The following PTPN14 variants were observed in gnomAD, a reference collection of about 807,000 sequenced individuals.
The protein encoded by PTPN14 is protein tyrosine phosphatase non-receptor type 14, also known as tyrosine-protein phosphatase non-receptor type 14.
PTPN14 carries 53 observed loss-of-function variants against 126.8 expected under a neutral mutation model. The ratio of observed to expected loss-of-function variants is 0.42; its 90% CI spans 0.34 to 0.53. The LOEUF (loss-of-function observed/expected upper bound fraction) is 0.53. PTPN14 is among the 20% of genes least tolerant of loss of function. The pLI, the probability that PTPN14 is intolerant of heterozygous loss-of-function variation, is 0.08. For synonymous variants in PTPN14, 630 were observed against 599.3 expected (o/e 1.05, Z -0.75); for missense variants, 1,257 against 1,552.9 (o/e 0.81, Z 3.20).
chr1:214,414,964 C>G (rs540899105), intron 3 of PTPN14, among the ~76,000 whole-genome samples: 1 of 152,320 alleles, frequency 6.6e-6, no homozygotes, highest in African/African-American at 2.4e-5. Flanking sequence ...CATCACATCA[C>G]TTATTTGTAG....
In PTPN14 at chr1:214,486,625, G is replaced by GA. The variant is rs1007391906; in HGVS notation, c.-154-21669dup. Among the ~76,000 whole-genome samples the GA allele has an allele frequency of 2.0e-4, 30 of 152,090 alleles. 2 individuals carry two copies. The highest frequency in any genetic ancestry group is 1.8e-3 in the Admixed American group (28 of 15,266). ...ACTACCCAGGGCCCAGAACAAAACG[G>GA]AAAAAAACTGAGATGAGAGGCAATG... On this transcript the variant is annotated intron_variant, in intron 1 of 18. Transcript: ENST00000366956.
At chr1:214,390,460 C>T (rs937766248) in intron 11 of PTPN14, among the ~76,000 whole-genome samples, 1 of 152,054 alleles carries the variant, frequency 6.6e-6, no homozygotes, top group African/African-American at 2.4e-5. Flanking sequence ...TATGGAAGTG[C>T]TTTGGAATTC....
Position 214,383,951 on chromosome 1 carries a change from C to T in PTPN14, c.1904G>A (p.Gly635Asp), listed in dbSNP as rs1658540437. The change falls in exon 13 of 19, where the codon GGC becomes GAC. Residue 635 changes from glycine (G) to aspartate (D), a missense_variant. Coordinates refer to ENST00000366956, the MANE Select transcript of PTPN14 (RefSeq NM_005401.5). The surrounding 1 kb of genome is among the most constrained non-coding windows in gnomAD (Gnocchi z 4.4). The stretch of plus-strand genomic sequence containing the variant: ...CAGGCTGTGGCGCTTGTTCACAGTG[C>T]CGTGGTGCTTGGTGGCCGTGAGGGG... ...SEPLTATKHH[G>D]TVNKRHSLEV... The T allele has an allele frequency of 1.9e-6, 3 of 1,612,710 alleles. No individual in the cohort carries two copies. Among genetic ancestry groups the T allele is most frequent in the South Asian group, 1.1e-5 (1 of 91,078 alleles).
chr1:214,435,661 T>G (rs1405890082), intron 3 of PTPN14, among the ~76,000 whole-genome samples: 1 of 152,184 alleles, frequency 6.6e-6, no homozygotes, highest in Non-Finnish European at 1.5e-5. Context: ...TCATCACCAC[T>G]AATCATTACA....
At chr1:214,363,165 T>G (rs1233072291) in intron 18 of PTPN14, among the ~76,000 whole-genome samples, 1 of 152,252 alleles carries the variant, frequency 6.6e-6, no homozygotes, top group Non-Finnish European at 1.5e-5. Flanking sequence ...GATTCCATGA[T>G]GAACATTTCG....
intron 5 of PTPN14, among the ~76,000 whole-genome samples, chr1:214,410,763 G>T (rs746262541): frequency 6.6e-6 from 1 of 152,164 alleles, no homozygotes; most frequent in East Asian, 1.9e-4. Flanking sequence ...ATTGGTTTTA[G>T]ATGTGTGTGA....
chr1:214,482,592 T>C (rs1303968567), intron 1 of PTPN14, among the ~76,000 whole-genome samples: 1 of 137,880 alleles, frequency 7.3e-6, no homozygotes, highest in Non-Finnish European at 1.6e-5. Context: ...AAAAAAAAAA[T>C]CACATAGAAA....
intron 1 of PTPN14, among the ~76,000 whole-genome samples, chr1:214,527,537 C>T (rs1030388892): frequency 1.3e-5 from 2 of 152,180 alleles, no homozygotes; most frequent in African/African-American, 4.8e-5. Context: ...ACTGCTATTT[C>T]AGAGTCTTCT....
intron 5 of PTPN14, among the ~76,000 whole-genome samples, chr1:214,404,109 A>G (rs1659103690): frequency 6.6e-6 from 1 of 152,238 alleles, no homozygotes; most frequent in Non-Finnish European, 1.5e-5. Context: ...CTTTACATGG[A>G]TGAAAACACT....
intron 1 of PTPN14, among the ~76,000 whole-genome samples, chr1:214,525,970 T>C (rs1655383352): frequency 6.6e-6 from 1 of 151,330 alleles, no homozygotes; most frequent in Admixed American, 6.6e-5. Flanking sequence ...AACTTTTTTT[T>C]TTTTTTTTTT....
chr1:214,442,692 GA>G (rs1169859707), intron 3 of PTPN14, among the ~76,000 whole-genome samples: 3 of 152,160 alleles, frequency 2.0e-5, no homozygotes, highest in Non-Finnish European at 4.4e-5. Flanking sequence ...GAATATCAGA[GA>G]AACAGCTAGA....
In PTPN14 at chr1:214,383,846, G is replaced by A. The variant is rs143968043; in HGVS notation, c.2009C>T (p.Thr670Met). Residue 670 changes from threonine (T) to methionine (M), a missense_variant, in exon 13 of 19, where the codon ACG becomes ATG. Thr to Met is a moderately conservative substitution (Grantham distance 81). This residue lies in a region of PTPN14 where 1,021 missense variants were observed against 1,183.3 expected (regional missense o/e 0.86). Coordinates refer to ENST00000366956, the MANE Select transcript of PTPN14 (RefSeq NM_005401.5). This position sits in a 1 kb window ranked among gnomAD's most constrained non-coding sequence, Gnocchi z 4.4. Reference protein sequence around the residue: ...SLHLPMARRNTLREQGPPEEG... With the variant: ...SLHLPMARRNMLREQGPPEEG... The stretch of plus-strand genomic sequence containing the variant: ...CTCGGGCGGTCCCTGCTCCCGGAGC[G>A]TGTTGCGGCGAGCCATGGGGAGGTG... 420 of 1,612,502 alleles carry A rather than the reference G, an allele frequency of 2.6e-4. No individual in the cohort carries two copies. The highest frequency in any genetic ancestry group is 3.3e-4 in the Non-Finnish European group (394 of 1,180,010).
chr1:214,491,030 G>A (rs142801905), intron 1 of PTPN14, among the ~76,000 whole-genome samples: 2 of 141,852 alleles, frequency 1.4e-5, no homozygotes, highest in Non-Finnish European at 3.1e-5. Flanking sequence ...AGAAAGGAAG[G>A]AAGGAAGAAA....
At chr1:214,520,040 CCTGT>C (rs1655207539) in intron 1 of PTPN14, among the ~76,000 whole-genome samples, 1 of 83,198 alleles carries the variant, frequency 1.2e-5, no homozygotes, top group Admixed American at 1.2e-4. Context: ...AGAAAAAAAC[CCTGT>C]CTCAAAAAAA....
intron 1 of PTPN14, among the ~76,000 whole-genome samples, chr1:214,525,730 G>T (rs966564392): frequency 6.6e-6 from 1 of 152,176 alleles, no homozygotes; most frequent in African/African-American, 2.4e-5. Flanking sequence ...AAGAAACTGA[G>T]TCATGGGTGG....
chr1:214,523,498 T>C (rs938975417), intron 1 of PTPN14, among the ~76,000 whole-genome samples: 6 of 152,194 alleles, frequency 3.9e-5, no homozygotes, highest in African/African-American at 7.2e-5. Context: ...CTAGGAGCAA[T>C]AGGCTACACC....
intron 16 of PTPN14, among the ~76,000 whole-genome samples, chr1:214,371,266 A>AT (rs1475182343): frequency 2.4e-4 from 37 of 151,984 alleles, no homozygotes; most frequent in African/African-American, 8.9e-4. Context: ...ATTTTTAAAA[A>AT]TTTTCTCCCT....
At chr1:214,394,088 C>A (rs1201352106) in intron 9 of PTPN14, among the ~76,000 whole-genome samples, 1 of 152,206 alleles carries the variant, frequency 6.6e-6, no homozygotes, top group Non-Finnish European at 1.5e-5. Flanking sequence ...ATAACTGAAT[C>A]AAGGCACAGC....
intron 1 of PTPN14, among the ~76,000 whole-genome samples, chr1:214,524,427 G>C (rs888942166): frequency 1.3e-5 from 2 of 151,964 alleles, no homozygotes; most frequent in Non-Finnish European, 2.9e-5. Flanking sequence ...TGAGGCAGTA[G>C]GACTGCTTGA....
Sources: allele counts gnomAD v4.1 joint callset (sites outside exome capture counted in the v4.1 genomes callset), GRCh38; gene constraint gnomAD v4.1.1; regional missense constraint gnomAD v4.1.1; non-coding constraint Gnocchi (gnomAD v3.1); transcripts MANE v1.5; gene names NCBI Gene and HGNC (gene_info 2026-07-23, HGNC 2026-07-21).